Variants in NAV2 observed in about 807,000 individuals in gnomAD.
NAV2 encodes neuron navigator 2.
In NAV2, 54 loss-of-function variants were observed where a neutral mutation model predicts 223.2. The ratio of observed to expected loss-of-function variants is 0.24; its 90% CI spans 0.19 to 0.30. The LOEUF (loss-of-function observed/expected upper bound fraction) is 0.30, where lower values mean the gene tolerates loss of function less well. Ranked by LOEUF, NAV2 falls within the 10% of genes least tolerant of loss-of-function variation. NAV2 has a pLI of 1.00. For missense variants in NAV2, 2,806 were observed against 3,147.5 expected, an observed-to-expected ratio of 0.89 and a Z score of 2.60; for synonymous variants, 1,279 against 1,239.3, an observed-to-expected ratio of 1.03 and a Z score of -0.67.
intron 1 of NAV2, among the ~76,000 whole-genome samples, chr11:19,693,673 C>T (rs947708159): frequency 2.6e-4 from 40 of 152,170 alleles, no homozygotes; most frequent in African/African-American, 8.2e-4. Context: ...TTAGGTGGAG[C>T]CCAGATTCAC....
intron 11 of NAV2, chr11:20,022,939 C>T (rs959311903): frequency 7.5e-7 from 1 of 1,330,092 alleles, no homozygotes; most frequent in East Asian, 2.6e-5. Flanking sequence ...CTTTCCTGGC[C>T]TGGGGAATGG....
chr11:19,889,647 T>G (rs1486140216), intron 5 of NAV2, among the ~76,000 whole-genome samples: 1 of 152,126 alleles, frequency 6.6e-6, no homozygotes, highest in Non-Finnish European at 1.5e-5. Flanking sequence ...GCTGCTCCCA[T>G]CAAAAGAGTA....
chr11:19,350,656 G>A, upstream of NAV2: 1 of 431,094 alleles, frequency 2.3e-6, no homozygotes, highest in South Asian at 2.5e-5. Flanking sequence ...ACTTGTCTTT[G>A]CCCAGATTTG....
At chr11:19,405,687 T>G (rs1418121570) in intron 1 of NAV2, among the ~76,000 whole-genome samples, 1 of 152,232 alleles carries the variant, frequency 6.6e-6, no homozygotes, top group Non-Finnish European at 1.5e-5. Context: ...GACTTTTACA[T>G]TGGATTGAGT....
At chr11:19,408,747 G>T (rs964861750) in intron 1 of NAV2, among the ~76,000 whole-genome samples, 4 of 152,182 alleles carry the variant, frequency 2.6e-5, no homozygotes, top group Non-Finnish European at 2.9e-5. Context: ...CAAGGTCACT[G>T]CCAGTGAACG....
intron 1 of NAV2, among the ~76,000 whole-genome samples, chr11:19,596,106 G>A (rs776272976): frequency 3.2e-4 from 48 of 152,138 alleles, no homozygotes; most frequent in Non-Finnish European, 6.5e-4. Context: ...TGCAACCCAC[G>A]GTTTTGGAAA....
chr11:19,568,535 C>T (rs1264308188), intron 1 of NAV2, among the ~76,000 whole-genome samples: 11 of 152,174 alleles, frequency 7.2e-5, no homozygotes, highest in Non-Finnish European at 1.6e-4. Flanking sequence ...GCCAACTTGA[C>T]CCAGAAGTCC....
chr11:19,487,730 G>T (rs1461439369), intron 1 of NAV2, among the ~76,000 whole-genome samples: 2 of 152,172 alleles, frequency 1.3e-5, no homozygotes, highest in African/African-American at 4.8e-5. Context: ...GCTGGGAAGT[G>T]AATTTTTCCC....
intron 1 of NAV2, among the ~76,000 whole-genome samples, chr11:19,536,116 AT>A (rs372484851): frequency 6.6e-5 from 10 of 152,324 alleles, no homozygotes; most frequent in African/African-American, 2.4e-4. Flanking sequence ...GCCAAGTCTT[AT>A]GTTGAATGCT....
At chr11:19,448,865 A>C (rs1851684332) in intron 1 of NAV2, among the ~76,000 whole-genome samples, 2 of 152,346 alleles carry the variant, frequency 1.3e-5, no homozygotes, top group African/African-American at 4.8e-5. Context: ...TGGTCTGTGA[A>C]GGAGGGAGAG....
intron 1 of NAV2, among the ~76,000 whole-genome samples, chr11:19,600,362 C>T (rs12280231): frequency 0.16 from 24,345 of 152,224 alleles, 4,561 homozygotes; most frequent in African/African-American, 0.45. Flanking sequence ...CAGGCTAAGC[C>T]AAGGGAACAT....
intron 6 of NAV2, among the ~76,000 whole-genome samples, chr11:19,906,437 T>C (rs2042872229): frequency 6.6e-6 from 1 of 152,176 alleles, no homozygotes; most frequent in Admixed American, 6.5e-5. Context: ...GGGTGGACAC[T>C]AGGGGCTGTT....
intron 11 of NAV2, 134 bp from the exon 12 acceptor site, chr11:20,035,825 T>G (rs6483634): frequency 0.96 from 940,002 of 982,032 alleles, 450,113 homozygotes; most frequent in South Asian, 0.97. Context: ...CACATCTGAG[T>G]CAAGAGAGCT....
intron 1 of NAV2, among the ~76,000 whole-genome samples, chr11:19,493,070 G>C (rs2042682782): frequency 6.6e-6 from 1 of 152,162 alleles, no homozygotes; most frequent in Non-Finnish European, 1.5e-5. Flanking sequence ...GTTGCTATAT[G>C]GGTAAAATTA....
At chr11:19,950,621 C>A (rs2047314903) in intron 10 of NAV2, among the ~76,000 whole-genome samples, 1 of 152,180 alleles carries the variant, frequency 6.6e-6, no homozygotes, top group African/African-American at 2.4e-5. Context: ...CAGCCTGTTA[C>A]TTTTAGAACT....
At chr11:19,364,064 C>G (rs1218822704) in intron 1 of NAV2, among the ~76,000 whole-genome samples, 2 of 152,200 alleles carry the variant, frequency 1.3e-5, no homozygotes, top group South Asian at 4.1e-4. Flanking sequence ...TCTCCCCTCC[C>G]CAGAGGGTGG....
intron 1 of NAV2, among the ~76,000 whole-genome samples, chr11:19,566,976 C>T (rs1368460077): frequency 1.3e-5 from 2 of 152,212 alleles, no homozygotes; most frequent in Non-Finnish European, 2.9e-5. Context: ...CTTTCTGCAG[C>T]TGTCACTTTT....
At chr11:19,377,484 G>A (rs181483081) in intron 1 of NAV2, among the ~76,000 whole-genome samples, 16 of 152,204 alleles carry the variant, frequency 1.1e-4, no homozygotes, top group East Asian at 3.9e-4. Flanking sequence ...TATCCCCCTC[G>A]CTGTGTTTGG....
intron 1 of NAV2, among the ~76,000 whole-genome samples, chr11:19,671,238 TA>T (rs1383814722): frequency 6.6e-6 from 1 of 152,234 alleles, no homozygotes; most frequent in Non-Finnish European, 1.5e-5. Context: ...GTTTGTGCTT[TA>T]AAAAACTTAT....
Sources: gnomAD v4.1 joint callset for allele counts (sites outside exome capture counted in the v4.1 genomes callset) on GRCh38, gnomAD v4.1.1 for gene constraint, MANE v1.5 for transcripts, NCBI Gene and HGNC (gene_info 2026-07-23, HGNC 2026-07-21) for gene names.